FAM184B: variants seen among roughly 807,000 people sequenced by gnomAD.
The protein encoded by FAM184B is protein FAM184B.
Under a neutral mutation model 135.9 loss-of-function variants are expected in FAM184B, and 111 were observed. The observed-to-expected ratio is 0.82, with a 90% confidence interval of 0.70 to 0.96. FAM184B has a LOEUF of 0.96. Among genes scored for constraint, FAM184B ranks in the 40% least tolerant of loss-of-function variants. FAM184B has a pLI of 0.00. For missense variants in FAM184B, 1,375 were observed against 1,323.9 expected (o/e 1.04, Z -0.60); for synonymous variants, 552 against 524.8 (o/e 1.05, Z -0.71).
intron 1 of FAM184B, among the ~76,000 whole-genome samples, chr4:17,740,163 C>G (rs1718000203): frequency 6.6e-6 from 1 of 151,792 alleles, no homozygotes; most frequent in East Asian, 2.0e-4. Context: ...ACCAGCCTGG[C>G]CAATATAGCA....
In FAM184B at chr4:17,760,831, G is replaced by A. The variant is rs190405071; in HGVS notation, c.141+20328C>T. On this transcript the variant is annotated intron_variant, in intron 1 of 17. Transcript: ENST00000265018. ...GCCTGTTGCGTTTCTCGGAAGAAAT[G>A]CCCTTTCTCCAAGGCACTTCGGGAT... Among the ~76,000 whole-genome samples the A allele has an allele frequency of 5.4e-4, 82 of 152,298 alleles. 1 individual carries two copies. The highest frequency in any genetic ancestry group is 1.9e-3 in the African/African-American group (79 of 41,566).
rs1244793170 is a variant in FAM184B, at chr4:17,693,609, T to C, written c.1378-197A>G. Among the ~76,000 whole-genome samples the C allele has an allele frequency of 2.0e-5, 3 of 152,034 alleles. No individual in the cohort carries two copies. The East Asian group carries it at 5.8e-4, about 29-fold the overall frequency. ...GTCACAACACAAAGCCTGATATATA[T>C]AGGGGTGGGGCGGGGCAAATTGTTG... is the stretch of plus-strand genomic sequence containing the variant. On this transcript the variant is annotated intron_variant, in intron 5 of 17. Transcript: ENST00000265018.
chr4:17,688,363 T>C, intron 7 of FAM184B, 61 bp downstream of exon 7: 1 of 1,322,682 alleles, frequency 7.6e-7, no homozygotes, highest in Non-Finnish European at 1.1e-6. Flanking sequence ...CTGGGGACAC[T>C]GAAAGGCTGA....
chr4:17,730,885 T>C (rs1465627557), intron 1 of FAM184B, among the ~76,000 whole-genome samples: 2 of 152,080 alleles, frequency 1.3e-5, no homozygotes, highest in African/African-American at 4.8e-5. Flanking sequence ...CGCAGAGAAG[T>C]CCTTAAAGGA....
intron 17 of FAM184B, chr4:17,632,977 A>C (rs1715008876): frequency 5.6e-6 from 1 of 178,794 alleles, no homozygotes; most frequent in African/African-American, 2.4e-5. Flanking sequence ...GCTGGAGTGC[A>C]GTGGCATGAT....
chr4:17,686,129 C>A (rs1716580194), intron 7 of FAM184B, among the ~76,000 whole-genome samples: 1 of 152,218 alleles, frequency 6.6e-6, no homozygotes, highest in Non-Finnish European at 1.5e-5. Context: ...GACAACCTTT[C>A]TGGGAAACCC....
rs574954160 is a variant in FAM184B, at chr4:17,683,984, A to G, written c.1596+4440T>C. Among the ~76,000 whole-genome samples, 9 of 151,732 alleles carry G rather than the reference A, an allele frequency of 5.9e-5. No homozygotes were observed. In the South Asian group the frequency reaches 1.9e-3, roughly 31 times the overall value. On this transcript the variant is annotated intron_variant, in intron 7 of 17. Coordinates refer to ENST00000265018, the MANE Select transcript of FAM184B (RefSeq NM_015688.2). ...CCAGCCACTCAGGAGTCTAGGCAGG[A>G]GGATTGCTTGAGCCCAGGAAATCGA...
In FAM184B at chr4:17,759,364, T is replaced by A. The variant is rs561716639; in HGVS notation, c.141+21795A>T. Among the ~76,000 whole-genome samples the A allele has an allele frequency of 5.3e-4, 81 of 152,210 alleles. 1 individual carries two copies. Among genetic ancestry groups the A allele is most frequent in the Non-Finnish European group, 3.2e-4 (22 of 68,038 alleles). On this transcript the variant is annotated intron_variant, in intron 1 of 17. Coordinates refer to ENST00000265018, the MANE Select transcript of FAM184B (RefSeq NM_015688.2). ...TATGAAAGACACACTGACTTCCCCT[T>A]TGCCTTCTGCCACGATTGAAAGTTT...
At chr4:17,732,415 A>T (rs1399319009) in intron 1 of FAM184B, among the ~76,000 whole-genome samples, 1 of 152,182 alleles carries the variant, frequency 6.6e-6, no homozygotes, top group Non-Finnish European at 1.5e-5. Context: ...TTTTGAAAAG[A>T]TCAACAAAAT....
intron 5 of FAM184B, among the ~76,000 whole-genome samples, chr4:17,702,922 G>GA (rs1206749364): frequency 1.3e-5 from 2 of 152,162 alleles, no homozygotes; most frequent in East Asian, 3.9e-4. Flanking sequence ...CTCATGTGGA[G>GA]AAAAAATGCT....
intron 13 of FAM184B, among the ~76,000 whole-genome samples, chr4:17,641,504 A>T (rs1577242631): frequency 7.7e-5 from 6 of 78,060 alleles, no homozygotes; most frequent in East Asian, 4.1e-4. Flanking sequence ...TTTGAGACGG[A>T]GTCTTGCATT....
In FAM184B at chr4:17,712,480, C is replaced by T. The variant is rs58637981; in HGVS notation, c.142-2836G>A. 3.3e-3 allele frequency among the ~76,000 whole-genome samples: 501 copies of T among 152,326 alleles called. 3 individuals carry two copies. Among genetic ancestry groups the T allele is most frequent in the African/African-American group, 0.011 (451 of 41,578 alleles). On this transcript the variant is annotated intron_variant, in intron 1 of 17. Coordinates refer to ENST00000265018, the MANE Select transcript of FAM184B (RefSeq NM_015688.2). The stretch of plus-strand genomic sequence containing the variant: ...TTTCCTGAAGACTCCCCATCACACC[C>T]TTTCACACGGACTTTTAGCCTTTGT...
chr4:17,717,683 G>A (rs1007422821), intron 1 of FAM184B, among the ~76,000 whole-genome samples: 8 of 152,092 alleles, frequency 5.3e-5, no homozygotes, highest in African/African-American at 1.7e-4. Flanking sequence ...GGGTCGTAGA[G>A]ATTGAGTGTT....
chr4:17,707,289 C>T (rs897081810), intron 3 of FAM184B, among the ~76,000 whole-genome samples: 13 of 152,030 alleles, frequency 8.6e-5, no homozygotes, highest in Admixed American at 7.2e-4. Flanking sequence ...GACTCAATAG[C>T]ATAATTGTGT....
At chr4:17,725,402 A>G (rs1379073423) in intron 1 of FAM184B, among the ~76,000 whole-genome samples, 3 of 152,318 alleles carry the variant, frequency 2.0e-5, no homozygotes, top group Middle Eastern at 6.8e-3. Flanking sequence ...CCTATTTAAG[A>G]AATGCTATTT....
chr4:17,777,471 A>G (rs561904459), intron 1 of FAM184B, among the ~76,000 whole-genome samples: 1 of 152,354 alleles, frequency 6.6e-6, no homozygotes, highest in Admixed American at 6.5e-5. Context: ...TGTAAATTAT[A>G]CCTCAATAAA....
intron 15 of FAM184B, among the ~76,000 whole-genome samples, chr4:17,636,198 C>T (rs1162216391): frequency 2.6e-5 from 4 of 152,108 alleles, no homozygotes; most frequent in East Asian, 3.9e-4. Context: ...CTCTGTCTCT[C>T]GGGTTCAAGT....
intron 1 of FAM184B, among the ~76,000 whole-genome samples, chr4:17,754,089 C>G (rs1241620673): frequency 6.6e-6 from 1 of 152,154 alleles, no homozygotes; most frequent in Non-Finnish European, 1.5e-5. Flanking sequence ...GAAGTCAACA[C>G]AGCAGATTAT....
At chr4:17,771,457 C>A (rs144775680) in intron 1 of FAM184B, among the ~76,000 whole-genome samples, 1 of 152,136 alleles carries the variant, frequency 6.6e-6, no homozygotes, top group Non-Finnish European at 1.5e-5. Flanking sequence ...TGAATCACAT[C>A]GCTAAATTAA....
Sources: allele counts gnomAD v4.1 joint callset (sites outside exome capture counted in the v4.1 genomes callset), GRCh38; gene constraint gnomAD v4.1.1; transcripts MANE v1.5; gene names NCBI Gene and HGNC (gene_info 2026-07-23, HGNC 2026-07-21).